PDHX: variants seen among roughly 807,000 people sequenced by gnomAD.
PDHX encodes pyruvate dehydrogenase protein X component, mitochondrial.
A neutral mutation model predicts 55.3 loss-of-function variants in PDHX; 33 were observed. The observed-to-expected ratio is 0.60, with a 90% CI of 0.45 to 0.80. The LOEUF is 0.80. Ranked by LOEUF, PDHX falls within the 30% of genes least tolerant of loss-of-function variation. The pLI, the probability that PDHX is intolerant of heterozygous loss-of-function variation, is 0.00. For synonymous variants in PDHX, 226 were observed against 219.4 expected (o/e 1.03, Z -0.27); for missense variants, 622 against 619.9 (o/e 1.00, Z -0.04).
At chr11:34,948,537 TTTTA>T (rs1201503160) in intron 3 of PDHX, among the ~76,000 whole-genome samples, 4 of 151,728 alleles carry the variant, frequency 2.6e-5, no homozygotes, top group Admixed American at 2.0e-4. Flanking sequence ...AGAGACAATT[TTTTA>T]TTTGTTTTTC....
chr11:34,977,125 A>G (rs1189538021), intron 7 of PDHX, among the ~76,000 whole-genome samples: 1 of 152,146 alleles, frequency 6.6e-6, no homozygotes, highest in East Asian at 1.9e-4. Context: ...ATTTAGGTTT[A>G]TGGTAATTCA....
intron 10 of PDHX, among the ~76,000 whole-genome samples, chr11:34,993,571 G>GA (rs1380196971): frequency 1.3e-5 from 2 of 151,924 alleles, no homozygotes; most frequent in Non-Finnish European, 2.9e-5. Context: ...TCATAGCATT[G>GA]AAAAGGTGAT....
chr11:34,962,464 A>G (rs1202009781), intron 5 of PDHX, among the ~76,000 whole-genome samples: 1 of 152,172 alleles, frequency 6.6e-6, no homozygotes, highest in Non-Finnish European at 1.5e-5. Context: ...TTTGGGAAGC[A>G]TTTGTTTTGG....
At chr11:34,952,306 T>C (rs546678056) in intron 3 of PDHX, among the ~76,000 whole-genome samples, 62 of 151,718 alleles carry the variant, frequency 4.1e-4, no homozygotes, top group African/African-American at 1.4e-3. Flanking sequence ...TTCCAATCAA[T>C]AGAAAAAGAG....
chr11:34,970,027 ATAAGT>A, intron 6 of PDHX, 107 bp from the exon 7 acceptor site: 1 of 859,112 alleles, frequency 1.2e-6, no homozygotes, highest in South Asian at 1.4e-5. Context: ...TCTTTAATTA[ATAAGT>A]TAGGTCATTG....
Position 34,945,909 on chromosome 11 carries a change from C to G in PDHX, c.242-1597C>G, listed in dbSNP as rs190966579. 2.3e-3 allele frequency among the ~76,000 whole-genome samples: 343 copies of G among 152,236 alleles called. 2 individuals carry two copies. The highest frequency in any genetic ancestry group is 8.0e-3 in the African/African-American group (334 of 41,542). On this transcript the variant is annotated intron_variant, in intron 2 of 10. Transcript: ENST00000227868. ...ACACCTATCCTAAATTCATTCAAAACTCTTTGATGATGAGAGTATACATCT... is the reference window on the plus strand; with the variant it reads ...ACACCTATCCTAAATTCATTCAAAAGTCTTTGATGATGAGAGTATACATCT...
chr11:34,991,663 C>CTT (rs1424028356), intron 9 of PDHX, among the ~76,000 whole-genome samples: 1 of 151,982 alleles, frequency 6.6e-6, no homozygotes, highest in Admixed American at 6.6e-5. Context: ...AATCCCACCA[C>CTT]TTTGGGAGGC....
intron 5 of PDHX, among the ~76,000 whole-genome samples, chr11:34,963,679 C>T (rs765295419): frequency 5.3e-5 from 8 of 152,156 alleles, no homozygotes; most frequent in Non-Finnish European, 1.2e-4. Flanking sequence ...ATGCCTCCAG[C>T]CCACTGTATT....
At chr11:34,990,517 T>C (rs1855734495) in intron 9 of PDHX, among the ~76,000 whole-genome samples, 1 of 152,226 alleles carries the variant, frequency 6.6e-6, no homozygotes, top group Non-Finnish European at 1.5e-5. Context: ...TGAGTTTTTT[T>C]CATTTGTGGT....
intron 10 of PDHX, among the ~76,000 whole-genome samples, chr11:34,993,748 G>A (rs1475094320): frequency 1.3e-5 from 2 of 151,948 alleles, no homozygotes; most frequent in African/African-American, 4.8e-5. Flanking sequence ...CAAATAAATT[G>A]TAAAATTGAT....
rs1854936821 is a variant in PDHX, at chr11:34,957,672, CGTT to C, written c.542+92_542+94del. 5.8e-6 allele frequency: 6 copies of C among 1,026,406 alleles called. No homozygotes were observed. The South Asian group carries it at 6.7e-5, about 12-fold the overall frequency. The allele number at this position is 1,026,406 out of a possible 1,614,324, so 63.6% of individuals were successfully genotyped here. ...TGTAATCATTATCATATTCGCACAT[CGTT>C]GTACATCACGTAGGAAGTTGCTGTT... is the stretch of plus-strand genomic sequence containing the variant. On this transcript the variant is annotated intron_variant, in intron 4 of 10. Transcript: ENST00000227868.
rs997338744 is a variant in PDHX, at chr11:34,953,279, T to C, written c.343-4105T>C. Among the ~76,000 whole-genome samples, 12 of 152,246 alleles carry C rather than the reference T, an allele frequency of 7.9e-5. No individual in the cohort carries two copies. The East Asian group carries it at 2.3e-3, about 29-fold the overall frequency. ...TGGCCATACTGCCCAAGGTAATTTA[T>C]AGATTCAATGCCATCCCCATCAAGC... is the stretch of plus-strand genomic sequence containing the variant. On this transcript the variant is annotated intron_variant, in intron 3 of 10. Transcript: ENST00000227868.
intron 2 of PDHX, among the ~76,000 whole-genome samples, chr11:34,935,632 T>G (rs1854290561): frequency 6.6e-6 from 1 of 152,148 alleles, no homozygotes; most frequent in South Asian, 2.1e-4. Flanking sequence ...GTTAAACTAT[T>G]GTGGAGGAAA....
intron 2 of PDHX, among the ~76,000 whole-genome samples, chr11:34,935,111 A>G (rs75041505): frequency 1.3e-5 from 2 of 152,150 alleles, no homozygotes; most frequent in African/African-American, 4.8e-5. Flanking sequence ...GGTAAAAGGT[A>G]TATGTGGCTT....
intron 7 of PDHX, among the ~76,000 whole-genome samples, chr11:34,974,112 A>T (rs772598477): frequency 3.9e-5 from 6 of 152,212 alleles, no homozygotes; most frequent in Non-Finnish European, 5.9e-5. Context: ...AACCATTGCC[A>T]CCATTCATCT....
At chr11:34,948,103 C>CT (rs1854667565) in intron 3 of PDHX, among the ~76,000 whole-genome samples, 1 of 152,092 alleles carries the variant, frequency 6.6e-6, no homozygotes, top group African/African-American at 2.4e-5. Context: ...TCCCCTGTGC[C>CT]TTTTTCTTCA....
At chr11:34,925,657 A>T (rs1282418817) in intron 1 of PDHX, among the ~76,000 whole-genome samples, 1 of 152,206 alleles carries the variant, frequency 6.6e-6, no homozygotes, top group Non-Finnish European at 1.5e-5. Context: ...AGCTAGAATG[A>T]CTACTATTGT....
chr11:34,984,264 A>G (rs1226810561), intron 8 of PDHX, among the ~76,000 whole-genome samples: 1 of 152,220 alleles, frequency 6.6e-6, no homozygotes, highest in Non-Finnish European at 1.5e-5. Context: ...TACAACAGAC[A>G]TTAAATAACT....
At chr11:34,923,223 C>T (rs1006142644) in intron 1 of PDHX, among the ~76,000 whole-genome samples, 6 of 151,908 alleles carry the variant, frequency 3.9e-5, no homozygotes, top group Non-Finnish European at 8.8e-5. Flanking sequence ...TTTTGGTAGG[C>T]AGTACATTTA....
Sources: gnomAD v4.1 joint callset for allele counts (sites outside exome capture counted in the v4.1 genomes callset) on GRCh38, gnomAD v4.1.1 for gene constraint, MANE v1.5 for transcripts, NCBI Gene and HGNC (gene_info 2026-07-23, HGNC 2026-07-21) for gene names.